Variants in NCOA1 observed in about 807,000 individuals in gnomAD.
The protein encoded by NCOA1 is nuclear receptor coactivator 1.
NCOA1 carries 35 observed loss-of-function variants against 150.9 expected under a neutral mutation model. The ratio of observed to expected loss-of-function variants is 0.23; its 90% CI spans 0.18 to 0.31. NCOA1 has a LOEUF of 0.31. Ranked by LOEUF, NCOA1 falls within the 10% of genes least tolerant of loss-of-function variation. NCOA1 has a pLI of 1.00. For missense variants in NCOA1, 1,491 were observed against 1,749.3 expected (o/e 0.85, Z 2.63); for synonymous variants, 590 against 630.0 (o/e 0.94, Z 0.95).
intron 3 of NCOA1, among the ~76,000 whole-genome samples, chr2:24,629,680 C>T (rs1471459024): frequency 1.3e-5 from 2 of 149,274 alleles, no homozygotes; most frequent in Non-Finnish European, 3.0e-5. Flanking sequence ...AACATGATGC[C>T]GCAATCATTT....
At chr2:24,563,632 C>T (rs1666380527) in intron 1 of NCOA1, among the ~76,000 whole-genome samples, 1 of 152,056 alleles carries the variant, frequency 6.6e-6, no homozygotes, top group Non-Finnish European at 1.5e-5. Context: ...ATTCTCCTAC[C>T]TCAGCCTCCC....
At chr2:24,699,943 A>G in intron 11 of NCOA1, among the ~76,000 whole-genome samples, 1 of 152,114 alleles carries the variant, frequency 6.6e-6, no homozygotes, top group East Asian at 1.9e-4. Context: ...TCGGGAGTTC[A>G]AGACCAGCCT....
At chr2:24,547,121 G>A (rs542598336) in intron 1 of NCOA1, among the ~76,000 whole-genome samples, 98 of 152,150 alleles carry the variant, frequency 6.4e-4, no homozygotes, top group African/African-American at 2.3e-3. Context: ...ATTAGTTTGT[G>A]GCTATACCAT....
intron 5 of NCOA1, among the ~76,000 whole-genome samples, chr2:24,665,145 T>G (rs1427352528): frequency 6.6e-6 from 1 of 151,896 alleles, no homozygotes; most frequent in Non-Finnish European, 1.5e-5. Flanking sequence ...AAATCATTTT[T>G]TTTTCTGTCT....
chr2:24,661,159 C>T (rs1426968516), intron 5 of NCOA1, among the ~76,000 whole-genome samples: 6 of 152,156 alleles, frequency 3.9e-5, no homozygotes, highest in Admixed American at 3.9e-4. Flanking sequence ...GAGAATTCCT[C>T]TTTTCCCACA....
chr2:24,612,634 G>T (rs1313085735), intron 3 of NCOA1, among the ~76,000 whole-genome samples: 1 of 151,788 alleles, frequency 6.6e-6, no homozygotes, highest in Non-Finnish European at 1.5e-5. Flanking sequence ...GTTCAAAAGG[G>T]CAGTCTTCAA....
At chr2:24,593,099 G>GT (rs1204989018) in intron 3 of NCOA1, among the ~76,000 whole-genome samples, 1 of 152,172 alleles carries the variant, frequency 6.6e-6, no homozygotes, top group African/African-American at 2.4e-5. Context: ...GGTACCAGGA[G>GT]TTTATTTGTC....
At chr2:24,512,519 G>A (rs982499149) in intron 1 of NCOA1, among the ~76,000 whole-genome samples, 1 of 152,098 alleles carries the variant, frequency 6.6e-6, no homozygotes, top group African/African-American at 2.4e-5. Flanking sequence ...CTTTTTTTCA[G>A]TTGGAATGTT....
At chr2:24,700,084 G>T (rs1445447388) in intron 11 of NCOA1, among the ~76,000 whole-genome samples, 1 of 151,416 alleles carries the variant, frequency 6.6e-6, no homozygotes, top group South Asian at 2.1e-4. Flanking sequence ...TGGAGGTTGC[G>T]GTGAGCCAAG....
At chr2:24,493,395 G>A (rs1437249665) in intron 1 of NCOA1, among the ~76,000 whole-genome samples, 1 of 152,184 alleles carries the variant, frequency 6.6e-6, no homozygotes, top group African/African-American at 2.4e-5. Context: ...AAGAACAGGT[G>A]TTTAGTTTGA....
At chr2:24,702,686 A>T (rs894982522) in intron 11 of NCOA1, among the ~76,000 whole-genome samples, 3 of 152,246 alleles carry the variant, frequency 2.0e-5, no homozygotes, top group Admixed American at 6.5e-5. Flanking sequence ...CTTCAATATT[A>T]TCTTTCCTCA....
chr2:24,547,978 G>A, intron 1 of NCOA1, among the ~76,000 whole-genome samples: 1 of 88,510 alleles, frequency 1.1e-5, no homozygotes. Context: ...AACAGAGTGA[G>A]ACTCTGTCTC....
intron 3 of NCOA1, among the ~76,000 whole-genome samples, chr2:24,599,492 T>G (rs1489038674): frequency 6.6e-6 from 1 of 152,290 alleles, no homozygotes; most frequent in South Asian, 2.1e-4. Flanking sequence ...GGGAAGGTAT[T>G]TACATGTATT....
At chr2:24,688,090 C>T (rs950569161) in intron 8 of NCOA1, among the ~76,000 whole-genome samples, 5 of 152,148 alleles carry the variant, frequency 3.3e-5, no homozygotes, top group African/African-American at 9.7e-5. Context: ...TGGTCTCATT[C>T]TTTTTATGGC....
intron 1 of NCOA1, among the ~76,000 whole-genome samples, chr2:24,550,347 T>C (rs1004707898): frequency 2.0e-5 from 3 of 152,148 alleles, no homozygotes; most frequent in African/African-American, 7.2e-5. Context: ...ACAGGGCAAT[T>C]TACAAAAGAA....
rs1404028246 is a variant in NCOA1, at chr2:24,729,926, A to G, written c.3201+111A>G. 5 of 1,156,306 alleles carry G rather than the reference A, an allele frequency of 4.3e-6. No homozygotes were observed. The South Asian group carries it at 4.7e-5, about 11-fold the overall frequency. The allele number at this position is 1,156,306 out of a possible 1,614,324, so 71.6% of individuals were successfully genotyped here. On this transcript the variant is annotated intron_variant, in intron 17 of 22. Coordinates refer to ENST00000348332, the MANE Select transcript of NCOA1 (RefSeq NM_003743.5). ...AGTAGTGCTATCTCAGCCCACTGCAACCGCCGCCTCCCAGGTTCAAGCAAT... is the reference window on the plus strand; with the variant it reads ...AGTAGTGCTATCTCAGCCCACTGCAGCCGCCGCCTCCCAGGTTCAAGCAAT...
At chr2:24,753,369 G>GAAA (rs369636824) in intron 20 of NCOA1, among the ~76,000 whole-genome samples, 2 of 146,060 alleles carry the variant, frequency 1.4e-5, no homozygotes, top group African/African-American at 5.0e-5. Flanking sequence ...ATGGCTTGGG[G>GAAA]AAAAAAAAAA....
intron 1 of NCOA1, among the ~76,000 whole-genome samples, chr2:24,504,524 C>T (rs11890667): frequency 7.7e-4 from 117 of 152,122 alleles, no homozygotes; most frequent in African/African-American, 2.6e-3. Context: ...ATTGGTAGAC[C>T]CTGCTTGGAG....
chr2:24,678,029 C>A (rs193203381), intron 7 of NCOA1, among the ~76,000 whole-genome samples: 1 of 152,084 alleles, frequency 6.6e-6, no homozygotes, highest in Admixed American at 6.5e-5. Context: ...TCATACTCCC[C>A]CTCCTGCCAC....
Sources: allele counts gnomAD v4.1 joint callset (sites outside exome capture counted in the v4.1 genomes callset), GRCh38; gene constraint gnomAD v4.1.1; transcripts MANE v1.5; gene names NCBI Gene and HGNC (gene_info 2026-07-23, HGNC 2026-07-21).